The following GPC5 variants were observed in gnomAD, a reference collection of about 807,000 sequenced individuals.
The protein encoded by GPC5 is glypican-5.
A neutral mutation model predicts 53.9 loss-of-function variants in GPC5; 47 were observed. The ratio of observed to expected loss-of-function variants is 0.87; its 90% CI spans 0.69 to 1.11. The LOEUF (loss-of-function observed/expected upper bound fraction) is 1.11, where lower values mean the gene tolerates loss of function less well. Among genes scored for constraint, GPC5 ranks in the 50% most tolerant of loss-of-function variants. The pLI, the probability that GPC5 is intolerant of heterozygous loss-of-function variation, is 0.00. For missense variants in GPC5, 748 were observed against 713.1 expected, an observed-to-expected ratio of 1.05 and a Z score of -0.56; for synonymous variants, 286 against 263.3, an observed-to-expected ratio of 1.09 and a Z score of -0.84.
rs1881775363 is a variant in GPC5 at position 92,537,846 on chromosome 13, C to T, written c.1562-328436C>T. Among the ~76,000 whole-genome samples, 3 of 152,080 alleles carry T rather than the reference C, an allele frequency of 2.0e-5. No individual in the cohort carries two copies. The South Asian group carries it at 6.2e-4, about 31-fold the overall frequency. On this transcript the variant is annotated intron_variant, in intron 7 of 7. Transcript: ENST00000377067. ...TTATAAATCCAATCAATTATAAAGA[C>T]ACTGAATAAATCTCATCTTAATAGC...
intron 7 of GPC5, among the ~76,000 whole-genome samples, chr13:92,406,970 T>A (rs1875821970): frequency 6.6e-6 from 1 of 152,200 alleles, no homozygotes; most frequent in African/African-American, 2.4e-5. Context: ...AGTAGTAACT[T>A]CTACTACCCA....
At chr13:91,456,427 G>T (rs756734735) in intron 2 of GPC5, among the ~76,000 whole-genome samples, 3 of 151,448 alleles carry the variant, frequency 2.0e-5, no homozygotes, top group Non-Finnish European at 4.4e-5. Flanking sequence ...TTTTAAAAGA[G>T]AACCAATTTA....
intron 6 of GPC5, among the ~76,000 whole-genome samples, chr13:91,923,868 C>T (rs1032530968): frequency 1.2e-4 from 18 of 152,028 alleles, no homozygotes; most frequent in African/African-American, 7.2e-5. Flanking sequence ...ATGAGCTTGT[C>T]GGCTTTTAAT....
chr13:92,749,467 A>G lies in GPC5; in HGVS notation c.1562-116815A>G, dbSNP rs533046148. Among the ~76,000 whole-genome samples the G allele has an allele frequency of 3.9e-5, 6 of 152,310 alleles. No homozygotes were observed. The South Asian group carries it at 1.0e-3, about 26-fold the overall frequency. On this transcript the variant is annotated intron_variant, in intron 7 of 7. Coordinates refer to ENST00000377067, the MANE Select transcript of GPC5 (RefSeq NM_004466.6). ...AAAGTATGCTATTTTATGTTTCACAATAACTGTAAAATGGCTAGTTATATT... is the reference window on the plus strand; with the variant it reads ...AAAGTATGCTATTTTATGTTTCACAGTAACTGTAAAATGGCTAGTTATATT...
intron 7 of GPC5, among the ~76,000 whole-genome samples, chr13:92,491,546 A>G (rs1319764568): frequency 2.0e-5 from 3 of 152,152 alleles, no homozygotes; most frequent in Non-Finnish European, 4.4e-5. Flanking sequence ...CGTTCTTCAC[A>G]TTCATTTGGT....
At chr13:92,676,472 T>C (rs1255981907) in intron 7 of GPC5, among the ~76,000 whole-genome samples, 1 of 152,160 alleles carries the variant, frequency 6.6e-6, no homozygotes, top group Non-Finnish European at 1.5e-5. Flanking sequence ...AGTCAAAGAA[T>C]GCAATTCTTT....
chr13:91,905,932 G>A (rs2039548027), intron 5 of GPC5, among the ~76,000 whole-genome samples: 2 of 151,958 alleles, frequency 1.3e-5, no homozygotes, highest in Non-Finnish European at 2.9e-5. Context: ...AGTAGTTTTG[G>A]CAACATGGAT....
At chr13:92,666,872 A>G (rs1353234436) in intron 7 of GPC5, among the ~76,000 whole-genome samples, 2 of 152,206 alleles carry the variant, frequency 1.3e-5, no homozygotes, top group Non-Finnish European at 2.9e-5. Context: ...AAGAGGAGCT[A>G]TATTGTGGAC....
chr13:91,421,731 C>T (rs1200205650), intron 1 of GPC5, among the ~76,000 whole-genome samples: 2 of 152,162 alleles, frequency 1.3e-5, no homozygotes, highest in Admixed American at 6.5e-5. Flanking sequence ...CTGTCACCCT[C>T]AGTACAGTTT....
chr13:91,710,930 G>T (rs1299881720), intron 3 of GPC5, among the ~76,000 whole-genome samples: 2 of 152,156 alleles, frequency 1.3e-5, no homozygotes, highest in African/African-American at 4.8e-5. Context: ...GGGAAATGTG[G>T]GTGGTTTCCA....
At chr13:91,854,877 A>G (rs2038950473) in intron 5 of GPC5, among the ~76,000 whole-genome samples, 1 of 151,756 alleles carries the variant, frequency 6.6e-6, no homozygotes, top group Non-Finnish European at 1.5e-5. Context: ...AAAAAATAGG[A>G]GTTTAGTTTC....
intron 7 of GPC5, among the ~76,000 whole-genome samples, chr13:92,818,501 G>A (rs1877561539): frequency 6.6e-6 from 1 of 151,972 alleles, no homozygotes; most frequent in African/African-American, 2.4e-5. Context: ...ACCGAGGAAA[G>A]CTGTAAAAGA....
At chr13:92,696,612 G>T (rs1403762495) in intron 7 of GPC5, among the ~76,000 whole-genome samples, 1 of 152,044 alleles carries the variant, frequency 6.6e-6, no homozygotes, top group East Asian at 1.9e-4. Flanking sequence ...TTGTCAGTTG[G>T]ATAGATTGCA....
chr13:92,356,594 G>T lies in GPC5; in HGVS notation c.1561+211605G>T, dbSNP rs150721463. 4.2e-3 allele frequency among the ~76,000 whole-genome samples: 645 copies of T among 152,232 alleles called. 2 individuals are homozygous for T. Among genetic ancestry groups the T allele is most frequent in the African/African-American group, 0.015 (623 of 41,556 alleles). ...AAGATTTGTTGATGGATTGGATATA[G>T]GTGTGAGTGAAAGAGAAGGTCTCAG... On this transcript the variant is annotated intron_variant, in intron 7 of 7. Coordinates refer to ENST00000377067, the MANE Select transcript of GPC5 (RefSeq NM_004466.6).
chr13:92,251,791 A>G (rs1349269104), intron 7 of GPC5, among the ~76,000 whole-genome samples: 1 of 152,112 alleles, frequency 6.6e-6, no homozygotes, highest in Non-Finnish European at 1.5e-5. Flanking sequence ...GTTTAACCAT[A>G]GCTTCTTAAG....
intron 7 of GPC5, among the ~76,000 whole-genome samples, chr13:92,662,778 T>C (rs978193273): frequency 2.4e-4 from 36 of 152,186 alleles, no homozygotes; most frequent in Non-Finnish European, 7.3e-5. Flanking sequence ...AAGTTTAGTT[T>C]ACACTCCAAA....
At chr13:92,830,846 G>C (rs1878022192) in intron 7 of GPC5, among the ~76,000 whole-genome samples, 1 of 152,050 alleles carries the variant, frequency 6.6e-6, no homozygotes, top group Admixed American at 6.6e-5. Flanking sequence ...ATCTGTTTTA[G>C]GGTAAATTGG....
rs540457499 is a variant in GPC5 at position 92,523,454 on chromosome 13, A to C, written c.1562-342828A>C. ...CTTGTACAAAGTAATGATAATTTTT[A>C]ATGAATATTTAGAAACATTTCCATC... On this transcript the variant is annotated intron_variant, in intron 7 of 7. Transcript: ENST00000377067. Among the ~76,000 whole-genome samples, 4 of 152,248 alleles carry C rather than the reference A, an allele frequency of 2.6e-5. No homozygotes were observed. In the South Asian group the frequency reaches 8.3e-4, roughly 32 times the overall value.
At chr13:92,266,791 G>T (rs780077877) in intron 7 of GPC5, among the ~76,000 whole-genome samples, 16 of 151,170 alleles carry the variant, frequency 1.1e-4, no homozygotes, top group Non-Finnish European at 2.1e-4. Context: ...TTTAAGAAAT[G>T]AAGACACAAA....
Sources: allele counts gnomAD v4.1 joint callset (sites outside exome capture counted in the v4.1 genomes callset), GRCh38; gene constraint gnomAD v4.1.1; transcripts MANE v1.5; gene names NCBI Gene and HGNC (gene_info 2026-07-23, HGNC 2026-07-21).